Variants in CPED1 observed in about 807,000 individuals in gnomAD.
The protein encoded by CPED1 is cadherin like and PC-esterase domain containing 1.
CPED1 carries 114 observed loss-of-function variants against 128.2 expected under a neutral mutation model. The observed-to-expected ratio is 0.89, with a 90% CI of 0.76 to 1.04. CPED1 has a LOEUF of 1.04. Ranked by LOEUF, CPED1 falls within the 50% of genes least tolerant of loss-of-function variation. The pLI is 0.00. For synonymous variants in CPED1, 462 were observed against 426.7 expected (o/e 1.08, Z -1.02); for missense variants, 1,211 against 1,207.1 (o/e 1.00, Z -0.05).
chr7:121,001,118 G>A (rs1295853742), intron 2 of CPED1, among the ~76,000 whole-genome samples: 3 of 151,908 alleles, frequency 2.0e-5, no homozygotes, highest in Non-Finnish European at 4.4e-5. Context: ...TGTTTTCTTC[G>A]GTACATTTTG....
intron 16 of CPED1, among the ~76,000 whole-genome samples, chr7:121,153,803 T>A (rs150539148): frequency 6.6e-6 from 1 of 151,014 alleles, no homozygotes; most frequent in Non-Finnish European, 1.5e-5. Flanking sequence ...TTTTAAAAAA[T>A]AAATATATTG....
intron 5 of CPED1, among the ~76,000 whole-genome samples, chr7:121,094,031 A>T (rs1186428608): frequency 2.6e-5 from 4 of 152,138 alleles, no homozygotes; most frequent in African/African-American, 9.7e-5. Flanking sequence ...TATATGTGAA[A>T]GTTCTGATGT....
chr7:121,046,348 TTCTC>T, intron 3 of CPED1, among the ~76,000 whole-genome samples: 1 of 152,248 alleles, frequency 6.6e-6, no homozygotes, highest in African/African-American at 2.4e-5. Context: ...GAATTTAATT[TTCTC>T]TCTATTACAA....
intron 18 of CPED1, among the ~76,000 whole-genome samples, chr7:121,251,107 C>G (rs935096382): frequency 2.0e-5 from 3 of 152,172 alleles, no homozygotes; most frequent in African/African-American, 4.8e-5. Flanking sequence ...CATCAAAAAA[C>G]TTATCCACCA....
chr7:121,142,102 G>A lies in CPED1; in HGVS notation c.2016G>A (p.Leu672=). ...TCTATAGAGAAGACCGCCCAAGTCT[G>A]CCCTTGTTTGAGGCCTTCACAGCAT... ...LTIYREDRPS[L]PLFEAFTACG... is the part of the protein sequence containing the mutation. The change falls in exon 16 of 23, where the codon CTG becomes CTA. Residue 672 remains leucine (L), a synonymous_variant. Coordinates refer to ENST00000310396, the MANE Select transcript of CPED1 (RefSeq NM_024913.5). The A allele has an allele frequency of 1.2e-6, 2 of 1,612,152 alleles. No homozygotes were observed.
chr7:121,101,028 T>C (rs890073810), intron 7 of CPED1, among the ~76,000 whole-genome samples: 1 of 152,178 alleles, frequency 6.6e-6, no homozygotes, highest in Admixed American at 6.6e-5. Flanking sequence ...GTACATTCTT[T>C]ACCTATATAA....
intron 4 of CPED1, among the ~76,000 whole-genome samples, chr7:121,048,325 G>T (rs138636416): frequency 1.1e-3 from 166 of 152,294 alleles, no homozygotes; most frequent in African/African-American, 3.6e-3. Flanking sequence ...TCCTGCTCTT[G>T]TGTTCAGAAG....
At chr7:121,240,765 T>TAAAAAAACAAA (rs1554452609) in intron 17 of CPED1, among the ~76,000 whole-genome samples, 11 of 93,768 alleles carry the variant, frequency 1.2e-4, no homozygotes, top group Non-Finnish European at 2.2e-4. Flanking sequence ...CCTCTTCTGT[T>TAAAAAAACAAA]AAAAAAAAAA....
chr7:121,287,567 A>G (rs1313015420), intron 22 of CPED1, among the ~76,000 whole-genome samples: 1 of 152,198 alleles, frequency 6.6e-6, no homozygotes, highest in East Asian at 1.9e-4. Flanking sequence ...TGTAGACTCT[A>G]TTCATAGTGA....
intron 2 of CPED1, among the ~76,000 whole-genome samples, chr7:120,999,645 G>A (rs950764883): frequency 6.6e-6 from 1 of 152,040 alleles, no homozygotes; most frequent in African/African-American, 2.4e-5. Context: ...TTATGTATAC[G>A]AGGCTCTCAA....
At chr7:121,248,152 G>T (rs1266369608) in intron 18 of CPED1, among the ~76,000 whole-genome samples, 1 of 152,184 alleles carries the variant, frequency 6.6e-6, no homozygotes, top group Non-Finnish European at 1.5e-5. Context: ...TGCTGAGCCA[G>T]GATATGTGGC....
intron 18 of CPED1, among the ~76,000 whole-genome samples, chr7:121,254,044 C>T (rs187498550): frequency 8.1e-4 from 124 of 152,166 alleles, no homozygotes; most frequent in Non-Finnish European, 7.5e-4. Context: ...GACTTAAAAT[C>T]ACTTGACCAA....
chr7:121,142,138 G>A lies in CPED1; in HGVS notation c.2052G>A (p.Val684=). The change falls in exon 16 of 23, where the codon GTG becomes GTA. Residue 684 remains valine, a synonymous_variant. Transcript: ENST00000310396. ...AGGCCTTCACAGCATGTGGTTTTGT[G>A]CAGGTAAGTGAAGTTTACATTTGCA... ...LFEAFTACGF[V]QDCGLLIHPE... 1 of 1,603,256 alleles carries A rather than the reference G, an allele frequency of 6.2e-7. No homozygotes were observed. Among genetic ancestry groups the A allele is most frequent in the Non-Finnish European group, 8.5e-7 (1 of 1,172,460 alleles).
intron 16 of CPED1, among the ~76,000 whole-genome samples, chr7:121,199,537 G>A (rs1797341382): frequency 6.6e-6 from 1 of 151,156 alleles, no homozygotes; most frequent in African/African-American, 2.4e-5. Flanking sequence ...ATTAGCTGGG[G>A]GTGGTGGTGC....
intron 3 of CPED1, among the ~76,000 whole-genome samples, 182 bp from the exon 4 acceptor site, chr7:121,046,705 A>C (rs2721326): frequency 0.81 from 123,736 of 151,928 alleles, 50,487 homozygotes; most frequent in Admixed American, 0.87. Flanking sequence ...AATACTAGAA[A>C]TTCCAAAATT....
chr7:121,046,250 T>C (rs1255385218), intron 3 of CPED1, among the ~76,000 whole-genome samples: 1 of 152,198 alleles, frequency 6.6e-6, no homozygotes, highest in Non-Finnish European at 1.5e-5. Context: ...TTCGTCTGTG[T>C]TATACTCCAT....
chr7:121,233,548 C>T (rs967600097), intron 16 of CPED1, among the ~76,000 whole-genome samples: 7 of 151,930 alleles, frequency 4.6e-5, no homozygotes, highest in Non-Finnish European at 7.4e-5. Context: ...GGCTCTGTCT[C>T]AAAACAACAA....
intron 16 of CPED1, among the ~76,000 whole-genome samples, chr7:121,205,559 A>G (rs2116577245): frequency 6.6e-6 from 1 of 152,060 alleles, no homozygotes; most frequent in East Asian, 1.9e-4. Flanking sequence ...CTGAGCTTCA[A>G]TTAAGACAGA....
chr7:121,287,286 C>G (rs1294504330), intron 22 of CPED1, among the ~76,000 whole-genome samples: 1 of 152,158 alleles, frequency 6.6e-6, no homozygotes, highest in Non-Finnish European at 1.5e-5. Context: ...CAGACACACA[C>G]ACACACACTC....
Sources: gnomAD v4.1 joint callset for allele counts (sites outside exome capture counted in the v4.1 genomes callset) on GRCh38, gnomAD v4.1.1 for gene constraint, MANE v1.5 for transcripts, NCBI Gene and HGNC (gene_info 2026-07-23, HGNC 2026-07-21) for gene names.